ZC3H12B: variants seen among roughly 807,000 people sequenced by gnomAD.
ZC3H12B encodes the protein zinc finger CCCH-type containing 12B, also known as probable ribonuclease ZC3H12B.
Under a neutral mutation model 43.9 loss-of-function variants are expected in ZC3H12B, and 7 were observed. The ratio of observed to expected loss-of-function variants is 0.16; its 90% CI spans 0.09 to 0.30. ZC3H12B has a LOEUF of 0.30. ZC3H12B is among the 10% of genes least tolerant of loss of function. The pLI is 1.00. For missense variants in ZC3H12B, 475 were observed against 670.2 expected, an observed-to-expected ratio of 0.71 and a Z score of 3.22; for synonymous variants, 222 against 241.7, an observed-to-expected ratio of 0.92 and a Z score of 0.76.
the ZC3H12B span, among the ~76,000 whole-genome samples, chrX:65,289,103 A>C: frequency 9.0e-6 from 1 of 111,441 alleles, no homozygotes; most frequent in South Asian, 3.7e-4. Flanking sequence ...GACATAATCA[A>C]ATGAAAAAAT....
the ZC3H12B span, among the ~76,000 whole-genome samples, chrX:65,089,748 A>G: frequency 1.8e-5 from 2 of 112,253 alleles, no homozygotes; most frequent in Admixed American, 9.4e-5. Context: ...TTCTTATTGT[A>G]TAAGCTTTTA....
the ZC3H12B span, among the ~76,000 whole-genome samples, chrX:65,231,143 A>G: frequency 9.0e-6 from 1 of 110,955 alleles, no homozygotes; most frequent in Non-Finnish European, 1.9e-5. Flanking sequence ...TATTGGTAGG[A>G]CCATGATGAC....
chrX:65,167,886 G>C, the ZC3H12B span, among the ~76,000 whole-genome samples: 1 of 112,166 alleles, frequency 8.9e-6, no homozygotes, highest in African/African-American at 3.2e-5. Flanking sequence ...CATTAGTTCT[G>C]TATCCTGAGA....
the ZC3H12B span, among the ~76,000 whole-genome samples, chrX:65,156,077 GA>G: frequency 1.3e-3 from 140 of 109,276 alleles, no homozygotes; most frequent in Middle Eastern, 4.7e-3. Context: ...GGTCTTTATA[GA>G]AAAAAAAATG....
the ZC3H12B span, among the ~76,000 whole-genome samples, chrX:65,346,266 A>C: frequency 2.4e-4 from 27 of 110,525 alleles, no homozygotes; most frequent in South Asian, 9.6e-3. Context: ...TAGTAAAAAA[A>C]AAAAAAAAAT....
intron 3 of ZC3H12B, among the ~76,000 whole-genome samples, chrX:65,415,308 C>T (rs2066947188): frequency 8.9e-6 from 1 of 112,677 alleles, no homozygotes; most frequent in Non-Finnish European, 1.9e-5. Context: ...TTTGTTAATT[C>T]TCTCCTGGAT....
the ZC3H12B span, among the ~76,000 whole-genome samples, chrX:65,146,530 G>T: frequency 9.0e-6 from 1 of 111,360 alleles, no homozygotes; most frequent in East Asian, 2.8e-4. Context: ...GGGTGTTAAA[G>T]AACCTCCTTT....
chrX:65,231,673 G>A, the ZC3H12B span, among the ~76,000 whole-genome samples: 2 of 110,989 alleles, frequency 1.8e-5, no homozygotes, highest in Non-Finnish European at 3.8e-5. Context: ...TTTTCTGCAA[G>A]AAGAAAAATA....
the ZC3H12B span, among the ~76,000 whole-genome samples, chrX:65,189,985 G>A: frequency 9.1e-6 from 1 of 110,472 alleles, no homozygotes; most frequent in Non-Finnish European, 1.9e-5. Flanking sequence ...TAAGGTGTAA[G>A]GAAGGGATCC....
the ZC3H12B span, among the ~76,000 whole-genome samples, chrX:65,227,631 G>T: frequency 9.0e-6 from 1 of 111,020 alleles, no homozygotes; most frequent in African/African-American, 3.3e-5. Flanking sequence ...TTGATACACT[G>T]CTAGCAAGAC....
the ZC3H12B span, among the ~76,000 whole-genome samples, chrX:65,323,821 G>T: frequency 2.7e-5 from 3 of 112,185 alleles, no homozygotes; most frequent in Admixed American, 1.9e-4. Context: ...CAGTGTAAAA[G>T]TGTTCCCATT....
At chrX:65,124,389 G>A in the ZC3H12B span, among the ~76,000 whole-genome samples, 1 of 111,018 alleles carries the variant, frequency 9.0e-6, no homozygotes, top group African/African-American at 3.3e-5. Flanking sequence ...GACTCAGTTT[G>A]CTGGTATTTT....
chrX:65,401,907 G>A (rs1040777703), intron 3 of ZC3H12B, among the ~76,000 whole-genome samples: 1 of 111,840 alleles, frequency 8.9e-6, no homozygotes, highest in African/African-American at 3.3e-5. Flanking sequence ...AACTGAAGAG[G>A]CCTTGAACCC....
At chrX:65,487,289 C>A (rs2068136559), upstream of ZC3H12B, among the ~76,000 whole-genome samples, 2 of 112,490 alleles carry the variant, frequency 1.8e-5, no homozygotes, top group African/African-American at 6.5e-5. Context: ...GCCTGTAATC[C>A]CAGCACTTTG....
chrX:65,164,562 G>A, the ZC3H12B span, among the ~76,000 whole-genome samples: 3 of 111,677 alleles, frequency 2.7e-5, no homozygotes, highest in African/African-American at 9.8e-5. Flanking sequence ...GTTTTGGGAA[G>A]AGATTAATAT....
At chrX:65,377,324 A>G (rs2066360852) in intron 2 of ZC3H12B, among the ~76,000 whole-genome samples, 2 of 110,639 alleles carry the variant, frequency 1.8e-5, no homozygotes, top group Non-Finnish European at 3.8e-5. Flanking sequence ...GAGGAGGTAG[A>G]GAAAGAGATA....
At chrX:65,278,822 C>T in the ZC3H12B span, among the ~76,000 whole-genome samples, 1 of 100,317 alleles carries the variant, frequency 1.0e-5, no homozygotes, top group Non-Finnish European at 2.0e-5. Context: ...CTCAAGTAGA[C>T]CCCAGTGTCT....
At chrX:65,394,237 G>C (rs1355964532) in intron 2 of ZC3H12B, among the ~76,000 whole-genome samples, 2 of 112,085 alleles carry the variant, frequency 1.8e-5, no homozygotes, top group African/African-American at 6.5e-5. Flanking sequence ...GGCTTTTGTT[G>C]CCATTGCTTT....
At chrX:65,356,567 G>T in the ZC3H12B span, among the ~76,000 whole-genome samples, 2 of 111,349 alleles carry the variant, frequency 1.8e-5, no homozygotes, top group East Asian at 5.6e-4. Context: ...TTCATTGACT[G>T]TATATACCAT....
Sources: allele counts gnomAD v4.1 joint callset (sites outside exome capture counted in the v4.1 genomes callset), GRCh38; gene constraint gnomAD v4.1.1; transcripts MANE v1.5; gene names NCBI Gene and HGNC (gene_info 2026-07-23, HGNC 2026-07-21).